Variants in ARHGAP32 observed in about 807,000 individuals in gnomAD.
The protein encoded by ARHGAP32 is rho GTPase-activating protein 32.
In ARHGAP32, 51 loss-of-function variants were observed where a neutral mutation model predicts 186.5. The ratio of observed to expected loss-of-function variants is 0.27; its 90% CI spans 0.22 to 0.35. ARHGAP32 has a LOEUF of 0.35. ARHGAP32 is among the 10% of genes least tolerant of loss of function. The probability of loss-of-function intolerance (pLI) is 1.00; values close to 1 mark genes in which losing one functional copy is unlikely to be tolerated. For synonymous variants in ARHGAP32, 950 were observed against 964.3 expected, an observed-to-expected ratio of 0.99 and a Z score of 0.27; for missense variants, 2,186 against 2,623.5, an observed-to-expected ratio of 0.83 and a Z score of 3.64.
intron 21 of ARHGAP32, 95 bp from the exon 22 acceptor site, chr11:128,973,527 T>C (rs748782295): frequency 8.9e-6 from 12 of 1,353,840 alleles, no homozygotes; most frequent in South Asian, 2.8e-5. Flanking sequence ...CATTAAAAAA[T>C]AGGTGCCTTC....
rs903734131 is a variant in ARHGAP32 at position 129,242,437 on chromosome 11, G to T, written c.-5+36709C>A. Among the ~76,000 whole-genome samples the T allele has an allele frequency of 2.0e-5, 3 of 152,086 alleles. No individual in the cohort carries two copies. The South Asian group carries it at 6.2e-4, about 32-fold the overall frequency. On this transcript the variant is annotated intron_variant, in intron 1 of 6. Transcript: ENST00000525234. ...ACAAATATACATAAAAAGAAACCTA[G>T]GCCAGGTGCAGTGGCTCACTCCTGT...
chr11:129,157,173 T>C (rs1321235817), intron 2 of ARHGAP32, among the ~76,000 whole-genome samples: 2 of 152,000 alleles, frequency 1.3e-5, no homozygotes, highest in South Asian at 2.1e-4. Flanking sequence ...CCTCTTCTCC[T>C]CCAAGGGATC....
Position 129,140,621 on chromosome 11 carries a change from A to G in ARHGAP32, c.226-15727T>C, listed in dbSNP as rs147608630. On this transcript the variant is annotated intron_variant, in intron 2 of 22. Coordinates refer to ENST00000682385, the MANE Select transcript of ARHGAP32 (RefSeq NM_001378024.1). ...CACTCCCAGGACCCCATTGAATGCA[A>G]TGACTTCAGTACCATCCCAAACCAC... 4.2e-3 allele frequency among the ~76,000 whole-genome samples: 636 copies of G among 152,272 alleles called. 8 individuals are homozygous for G. Among genetic ancestry groups the G allele is most frequent in the African/African-American group, 0.014 (596 of 41,566 alleles).
chr11:129,248,043 T>C (rs1945124416), intron 1 of ARHGAP32, among the ~76,000 whole-genome samples: 1 of 152,136 alleles, frequency 6.6e-6, no homozygotes, highest in Admixed American at 6.5e-5. Context: ...CCGGGCGTGG[T>C]GGCTCACACC....
Position 129,123,534 on chromosome 11 carries a change from A to T in ARHGAP32, c.360-4T>A. 1 of 1,608,522 alleles carries T rather than the reference A, an allele frequency of 6.2e-7. No individual in the cohort carries two copies. ...GTGACCTTTAGTGAAGGGTAACCTG[A>T]AACACATGAAATAAATAAGAAACGA... On this transcript the variant is annotated splice_region_variant and splice_polypyrimidine_tract_variant and intron_variant, in intron 4 of 22. Transcript: ENST00000682385. This position sits in a 1 kb window ranked among gnomAD's most constrained non-coding sequence, Gnocchi z 4.6.
chr11:129,156,204 T>C lies in ARHGAP32; in HGVS notation c.225+8115A>G, dbSNP rs1287314728. On this transcript the variant is annotated intron_variant, in intron 2 of 22. Coordinates refer to ENST00000682385, the MANE Select transcript of ARHGAP32 (RefSeq NM_001378024.1). ...CGAGCTAGCTGCAGGAGTATTTTTT[T>C]CATACCCCAGTGGCGCCTGGAATGC... Among the ~76,000 whole-genome samples, 22 of 152,182 alleles carry C rather than the reference T, an allele frequency of 1.4e-4. 1 individual carries two copies. Among genetic ancestry groups the C allele is most frequent in the Admixed American group, 1.4e-3 (22 of 15,278 alleles).
At chr11:129,225,493 A>C (rs1369802856) in intron 1 of ARHGAP32, among the ~76,000 whole-genome samples, 1 of 152,200 alleles carries the variant, frequency 6.6e-6, no homozygotes, top group Non-Finnish European at 1.5e-5. Context: ...GAGTTTAAGG[A>C]AATCTGTACA....
rs1942575070 is a variant in ARHGAP32 at position 129,123,185 on chromosome 11, A to T, written c.444+261T>A. ...ACAAAGCCATGGACATATGGACATG[A>T]TACAGGAAAACGGAGGGGGACAGGA... On this transcript the variant is annotated intron_variant, in intron 5 of 22. Coordinates refer to ENST00000682385, the MANE Select transcript of ARHGAP32 (RefSeq NM_001378024.1). The surrounding 1 kb of genome is among the most constrained non-coding windows in gnomAD (Gnocchi z 4.6). Among the ~76,000 whole-genome samples the T allele has an allele frequency of 6.6e-6, 1 of 152,158 alleles. No homozygotes were observed. The highest frequency in any genetic ancestry group is 2.4e-5 in the African/African-American group (1 of 41,450).
In ARHGAP32 at chr11:128,986,554, C is replaced by A; in HGVS notation, c.1413G>T (p.Leu471=). 6.2e-7 allele frequency: 1 copy of A among 1,614,048 alleles called. No homozygotes were observed. The highest frequency in any genetic ancestry group is 8.5e-7 in the Non-Finnish European group (1 of 1,179,978). The change falls in exon 14 of 23, where the codon CTG becomes CTT. Residue 471 remains leucine (L), a synonymous_variant. Transcript: ENST00000682385. The part of the protein sequence containing the change: ...KLYFRELPNP[L]LTYQLYEKFS... ...ATTTCTCATACAGCTGGTAGGTAAG[C>A]AGAGGGTTTGGGAGTTCCCGGAAGT...
intron 1 of ARHGAP32, among the ~76,000 whole-genome samples, chr11:129,190,222 A>G (rs1944244335): frequency 1.3e-5 from 2 of 152,078 alleles, no homozygotes; most frequent in Non-Finnish European, 2.9e-5. Flanking sequence ...TTCCACACCC[A>G]TGCCTCCATT....
At chr11:129,227,992 A>G (rs547409038) in intron 1 of ARHGAP32, among the ~76,000 whole-genome samples, 1 of 152,262 alleles carries the variant, frequency 6.6e-6, no homozygotes, top group South Asian at 2.1e-4. Context: ...CATAAAACCA[A>G]TCTTGATACA....
chr11:129,002,319 G>A (rs1946381591), intron 11 of ARHGAP32, among the ~76,000 whole-genome samples: 1 of 151,970 alleles, frequency 6.6e-6, no homozygotes, highest in Non-Finnish European at 1.5e-5. Flanking sequence ...CATTTCTTTG[G>A]TTAATTCCTA....
chr11:128,981,448 C>A lies in ARHGAP32; in HGVS notation c.1748G>T (p.Gly583Val). ...ILNHVDVLFS[G>V]RISMAMQEGA... The stretch of plus-strand genomic sequence containing the variant: ...CTCTTGCATGGCCATGCTGATTCTG[C>A]CGCTGAACAGCACATCAACGTGATT... The change falls in exon 17 of 23, where the codon GGC becomes GTC. Residue 583 changes from glycine (G) to valine (V), a missense_variant. By Grantham distance (109) the Gly-to-Val change is moderately radical. Transcript: ENST00000682385. 1 of 1,611,990 alleles carries A rather than the reference C, an allele frequency of 6.2e-7. No individual in the cohort carries two copies. The highest frequency in any genetic ancestry group is 8.5e-7 in the Non-Finnish European group (1 of 1,178,748).
intron 1 of ARHGAP32, among the ~76,000 whole-genome samples, chr11:129,166,674 G>A (rs1029426940): frequency 6.6e-6 from 1 of 150,970 alleles, no homozygotes; most frequent in African/African-American, 2.4e-5. Context: ...TTGAAAGCAG[G>A]TAAAACAAAT....
In ARHGAP32 at chr11:129,111,960, C is replaced by A. The variant is rs139287799; in HGVS notation, c.444+11486G>T. Among the ~76,000 whole-genome samples the A allele has an allele frequency of 3.0e-3, 458 of 152,198 alleles. 1 individual carries two copies. The highest frequency in any genetic ancestry group is 0.01 in the Middle Eastern group (3 of 294). ...TATTTTTAGTAGAGATGGGGTTTCA[C>A]CAGGTTGGCTAGACTGGTCTCAAAA... On this transcript the variant is annotated intron_variant, in intron 5 of 22. Transcript: ENST00000682385.
At chr11:129,089,600 G>A (rs1353594530) in intron 6 of ARHGAP32, among the ~76,000 whole-genome samples, 3 of 152,204 alleles carry the variant, frequency 2.0e-5, no homozygotes, top group Admixed American at 6.5e-5. Context: ...AGAAGAGGCA[G>A]GGATACCCAG....
intron 10 of ARHGAP32, among the ~76,000 whole-genome samples, chr11:129,060,808 T>A (rs1565402056): frequency 0.014 from 930 of 64,698 alleles, 6 homozygotes; most frequent in South Asian, 0.039. Context: ...CACTTATTGA[T>A]TAAAAAAAAA....
At chr11:129,234,847 G>A (rs541823165) in intron 1 of ARHGAP32, among the ~76,000 whole-genome samples, 5 of 152,060 alleles carry the variant, frequency 3.3e-5, no homozygotes, top group African/African-American at 1.2e-4. Context: ...AAAAAACACA[G>A]GTAGTTGTTC....
chr11:129,060,809 T>TA (rs1491492170), intron 10 of ARHGAP32, among the ~76,000 whole-genome samples: 1 of 106,188 alleles, frequency 9.4e-6, no homozygotes, highest in Admixed American at 8.5e-5. Flanking sequence ...ACTTATTGAT[T>TA]AAAAAAAAAT....
Sources: gnomAD v4.1 joint callset for allele counts (sites outside exome capture counted in the v4.1 genomes callset) on GRCh38, gnomAD v4.1.1 for gene constraint, Gnocchi (gnomAD v3.1) non-coding constraint, MANE v1.5 for transcripts, NCBI Gene and HGNC (gene_info 2026-07-23, HGNC 2026-07-21) for gene names.